RMDN2: variants seen among roughly 807,000 people sequenced by gnomAD.
RMDN2 encodes the protein regulator of microtubule dynamics protein 2.
RMDN2 carries 61 observed loss-of-function variants against 52.8 expected under a neutral mutation model. The observed-to-expected ratio is 1.16, with a 90% CI of 0.94 to 1.43. The LOEUF is 1.43. RMDN2 is among the 40% of genes most tolerant of loss of function. RMDN2 has a pLI of 0.00. For synonymous variants in RMDN2, 180 were observed against 153.1 expected (o/e 1.18, Z -1.30); for missense variants, 592 against 475.3 (o/e 1.25, Z -2.28).
At chr2:37,972,804 G>T (rs1236629888) in intron 2 of RMDN2, among the ~76,000 whole-genome samples, 6 of 152,272 alleles carry the variant, frequency 3.9e-5, no homozygotes, top group South Asian at 2.1e-4. Context: ...ACTGGGTATT[G>T]CTTAAGAGAA....
intron 2 of RMDN2, among the ~76,000 whole-genome samples, chr2:37,966,781 A>G (rs2125043408): frequency 6.6e-6 from 1 of 152,292 alleles, no homozygotes. Context: ...AATGAATATT[A>G]TGAAAAAACT....
At chr2:38,024,255 T>C (rs1341193679) in intron 10 of RMDN2, among the ~76,000 whole-genome samples, 7 of 152,346 alleles carry the variant, frequency 4.6e-5, no homozygotes, top group Non-Finnish European at 1.0e-4. Flanking sequence ...AAAATTCATA[T>C]AAATGTCTTC....
chr2:38,034,836 A>G (rs531097706), intron 10 of RMDN2, among the ~76,000 whole-genome samples: 58 of 135,712 alleles, frequency 4.3e-4, no homozygotes, highest in Non-Finnish European at 8.2e-4. Flanking sequence ...TTTAATAAGT[A>G]GAAATAAAGG....
chr2:37,975,339 T>G (rs753293281), intron 4 of RMDN2, 25 bp downstream of exon 4: 1 of 1,311,232 alleles, frequency 7.6e-7, no homozygotes, highest in Non-Finnish European at 1.1e-6. Context: ...AAGATTATTC[T>G]CAAGTAGCAA....
intron 2 of RMDN2, among the ~76,000 whole-genome samples, chr2:37,939,802 C>G (rs1305255822): frequency 6.6e-6 from 1 of 151,978 alleles, no homozygotes; most frequent in Non-Finnish European, 1.5e-5. Context: ...GAGATGGGTC[C>G]CCTAAATACA....
In RMDN2 at chr2:37,933,286, G is replaced by A. The variant is rs1320714793; in HGVS notation, c.452+3557G>A. ...GGGCAGAGACGCTCCTCACTTTCCAGACTGGGCAGCCAGGCAGAGGGGCTC... is the reference window on the plus strand; with the variant it reads ...GGGCAGAGACGCTCCTCACTTTCCAAACTGGGCAGCCAGGCAGAGGGGCTC... On this transcript the variant is annotated intron_variant, in intron 2 of 10. Transcript: ENST00000354545. 2.6e-5 allele frequency among the ~76,000 whole-genome samples: 4 copies of A among 152,006 alleles called. No homozygotes were observed. The East Asian group carries it at 5.9e-4, about 22-fold the overall frequency.
chr2:38,004,090 G>T, intron 9 of RMDN2, 46 bp downstream of exon 9: 1 of 1,603,388 alleles, frequency 6.2e-7, no homozygotes, highest in Non-Finnish European at 8.5e-7. Flanking sequence ...TGAACCTATC[G>T]CATAAAAACG....
At chr2:37,960,510 C>G (rs995174231) in intron 2 of RMDN2, among the ~76,000 whole-genome samples, 4 of 152,068 alleles carry the variant, frequency 2.6e-5, no homozygotes, top group African/African-American at 9.7e-5. Flanking sequence ...ATTCCTCCAT[C>G]CCATTATTTT....
chr2:38,020,020 G>C (rs1211191492), downstream of RMDN2, among the ~76,000 whole-genome samples: 1 of 152,080 alleles, frequency 6.6e-6, no homozygotes, highest in Non-Finnish European at 1.5e-5. Flanking sequence ...ACCGTGAACA[G>C]GACTAGAATC....
At chr2:37,996,699 G>A (rs1328010899) in intron 7 of RMDN2, among the ~76,000 whole-genome samples, 3 of 152,038 alleles carry the variant, frequency 2.0e-5, no homozygotes, top group African/African-American at 7.2e-5. Flanking sequence ...CATCAACTGG[G>A]TCAATACCCT....
chr2:38,019,697 G>T (rs934455150), downstream of RMDN2, among the ~76,000 whole-genome samples: 6 of 152,136 alleles, frequency 3.9e-5, no homozygotes, highest in African/African-American at 2.4e-5. Flanking sequence ...TGTTCGGGAG[G>T]CTGAGGCGGG....
At chr2:37,943,620 G>A (rs192608650) in intron 2 of RMDN2, among the ~76,000 whole-genome samples, 237 of 152,302 alleles carry the variant, frequency 1.6e-3, no homozygotes, top group Non-Finnish European at 2.0e-3. Flanking sequence ...ATGATCAGAT[G>A]TATTAAATGT....
At chr2:38,034,713 A>G (rs909477974) in intron 10 of RMDN2, among the ~76,000 whole-genome samples, 1 of 151,226 alleles carries the variant, frequency 6.6e-6, no homozygotes, top group African/African-American at 2.4e-5. Context: ...TAATATATTT[A>G]TATTTATTTA....
At chr2:38,057,358 C>G (rs1318347418) in intron 10 of RMDN2, among the ~76,000 whole-genome samples, 1 of 152,216 alleles carries the variant, frequency 6.6e-6, no homozygotes, top group Non-Finnish European at 1.5e-5. Context: ...TTTATGGATA[C>G]TGAAATTTGA....
At chr2:37,973,981 A>G (rs940721520) in intron 2 of RMDN2, 59 bp from the exon 3 acceptor site, 1 of 1,329,116 alleles carries the variant, frequency 7.5e-7, no homozygotes. Context: ...TTTAAAAGGA[A>G]TGCTCTGGCT....
chr2:37,949,732 G>C (rs1254507961), intron 2 of RMDN2, among the ~76,000 whole-genome samples: 1 of 152,112 alleles, frequency 6.6e-6, no homozygotes, highest in Admixed American at 6.6e-5. Context: ...TAGTATTTAG[G>C]ATCAGGAAAT....
intron 4 of RMDN2, among the ~76,000 whole-genome samples, chr2:37,980,840 C>T (rs1039028960): frequency 4.9e-4 from 75 of 151,882 alleles, no homozygotes; most frequent in African/African-American, 1.8e-3. Context: ...ATGCCTGCAG[C>T]ATACTGAACG....
intron 10 of RMDN2, among the ~76,000 whole-genome samples, chr2:38,047,593 TG>T (rs1032561170): frequency 4.6e-5 from 7 of 152,252 alleles, no homozygotes; most frequent in African/African-American, 1.7e-4. Flanking sequence ...TTAGGCCTTC[TG>T]TGATTTCTTT....
At chr2:38,065,209 C>G (rs898536362) in intron 10 of RMDN2, among the ~76,000 whole-genome samples, 11 of 152,022 alleles carry the variant, frequency 7.2e-5, no homozygotes, top group African/African-American at 2.7e-4. Flanking sequence ...AAAGATTAAG[C>G]AACAGGATGA....
Sources: gnomAD v4.1 joint callset for allele counts (sites outside exome capture counted in the v4.1 genomes callset) on GRCh38, gnomAD v4.1.1 for gene constraint, MANE v1.5 for transcripts, NCBI Gene and HGNC (gene_info 2026-07-23, HGNC 2026-07-21) for gene names.